Variants in OR52M1 observed in about 807,000 individuals in gnomAD.
The protein encoded by OR52M1 is olfactory receptor family 52 subfamily M member 1, also known as olfactory receptor 52M1.
A neutral mutation model predicts 1.3 loss-of-function variants in OR52M1; 2 were observed. The observed-to-expected ratio is 1.59, with a 90% confidence interval of 0.65 to 5.01. The LOEUF (loss-of-function observed/expected upper bound fraction) is 5.01, where lower values mean the gene tolerates loss of function less well. Among genes scored for constraint, OR52M1 ranks in the 30% most tolerant of loss-of-function variants. The pLI, the probability that OR52M1 is intolerant of heterozygous loss-of-function variation, is 0.06. For synonymous variants in OR52M1, 234 were observed against 151.4 expected (o/e 1.55, Z -4.01); for missense variants, 585 against 403.7 (o/e 1.45, Z -3.85).
rs1488127910 is a variant in OR52M1, at chr11:4,546,031, A to G, written c.841A>G (p.Asn281Asp). 1 of 1,614,068 alleles carries G rather than the reference A, an allele frequency of 6.2e-7. No individual in the cohort carries two copies. Among genetic ancestry groups the G allele is most frequent in the Admixed American group, 1.7e-5 (1 of 60,020 alleles). Reference protein sequence around the residue: ...VPPPVHTLLANFYLLIPPILN... With the variant: ...VPPPVHTLLADFYLLIPPILN... ...TCCTCCAGTCCACACTCTGCTGGCC[A>G]ACTTCTATCTCCTCATTCCTCCAAT... is the stretch of plus-strand genomic sequence containing the variant. The change falls in exon 1 of 1, where the codon AAC (asparagine) becomes GAC (aspartate). Residue 281 changes from asparagine (N) to aspartate (D), a missense_variant. By Grantham distance (23) the Asn-to-Asp change is conservative (BLOSUM62 1). Coordinates refer to ENST00000360213, the MANE Select transcript of OR52M1 (RefSeq NM_001004137.1).
rs772815367 is a variant in OR52M1, at chr11:4,545,534, G to T, written c.344G>T (p.Gly115Val). Residue 115 changes from glycine (G) to valine (V), a missense_variant, in exon 1 of 1, where the codon GGC becomes GTC. Gly to Val is a moderately radical substitution (Grantham distance 109). Transcript: ENST00000360213. ...LIHCFATVES[G>V]IFLAMAFDRY... ...CACTGCTTTGCCACTGTTGAGTCAG[G>T]CATCTTCCTTGCCATGGCTTTTGAT... The T allele has an allele frequency of 2.5e-6, 4 of 1,612,814 alleles. No individual in the cohort carries two copies. Among genetic ancestry groups the T allele is most frequent in the Admixed American group, 3.3e-5 (2 of 59,942 alleles).
In OR52M1 at chr11:4,546,132, G is replaced by A. The variant is rs765807772; in HGVS notation, c.942G>A (p.Met314Ile). The A allele has an allele frequency of 3.8e-5, 60 of 1,577,682 alleles. No homozygotes were observed. Among genetic ancestry groups the A allele is most frequent in the Non-Finnish European group, 4.9e-5 (56 of 1,153,726 alleles). The change falls in exon 1 of 1, where the codon ATG (methionine) becomes ATA (isoleucine). Residue 314 changes from methionine (M) to isoleucine (I), a missense_variant. Transcript: ENST00000360213. ...ESLLQIPRIE[M>I]KIR is the part of the protein sequence containing the mutation. ...TTCTCCAAATACCAAGGATAGAAAT[G>A]AAGATTAGATGATTACTATTTTCTT...
rs116233731 is a variant in OR52M1 at position 4,545,934 on chromosome 11, C to T, written c.744C>T (p.Leu248=). The change falls in exon 1 of 1, where the codon CTC becomes CTT. Residue 248 remains leucine (L), a synonymous_variant. Transcript: ENST00000360213. ...LKTLGTCASH[L]CAILIFYVPI... ...CCCTGGGGACATGCGCTTCTCACCT[C>T]TGTGCCATCCTGATCTTTTATGTTC... 854 of 1,614,090 alleles carry T rather than the reference C, an allele frequency of 5.3e-4. 12 individuals carry two copies. The African/African-American group carries it at 9.9e-3, about 19-fold the overall frequency.
chr11:4,545,663 T>C lies in OR52M1; in HGVS notation c.473T>C (p.Ile158Thr). The change falls in exon 1 of 1, where the codon ATT becomes ACT. Residue 158 changes from isoleucine to threonine, a missense_variant. Transcript: ENST00000360213. Reference sequence around the variant, plus strand: ...TCTCTCCTCCGGGGTGTTCTCTACATTGGACCTCTGCCTCTGATGATCCGC... The same window carrying C: ...TCTCTCCTCCGGGGTGTTCTCTACACTGGACCTCTGCCTCTGATGATCCGC... ...LVSLLRGVLY[I>T]GPLPLMIRLR... The C allele has an allele frequency of 1.2e-6, 2 of 1,613,340 alleles. No homozygotes were observed. Among genetic ancestry groups the C allele is most frequent in the Non-Finnish European group, 1.7e-6 (2 of 1,179,642 alleles).
chr11:4,545,398 G>A lies in OR52M1; in HGVS notation c.208G>A (p.Ala70Thr), dbSNP rs2133148361. Residue 70 changes from alanine (A) to threonine (T), a missense_variant, in exon 1 of 1, where the codon GCC becomes ACC. Coordinates refer to ENST00000360213, the MANE Select transcript of OR52M1 (RefSeq NM_001004137.1). ...GTACTTTTTCTTGTGCATGTTGGCT[G>A]CCATTGACCTGGTTCTGTCTACTTC... Reference protein sequence around the residue: ...PMYFFLCMLAAIDLVLSTSTI... With the variant: ...PMYFFLCMLATIDLVLSTSTI... 4 of 1,614,170 alleles carry A rather than the reference G, an allele frequency of 2.5e-6. No individual in the cohort carries two copies. Among genetic ancestry groups the A allele is most frequent in the Non-Finnish European group, 2.5e-6 (3 of 1,180,018 alleles).
In OR52M1 at chr11:4,545,956, G is replaced by A. The variant is rs577886791; in HGVS notation, c.766G>A (p.Val256Ile). 18 of 1,614,034 alleles carry A rather than the reference G, an allele frequency of 1.1e-5. No homozygotes were observed. Among genetic ancestry groups the A allele is most frequent in the South Asian group, 6.6e-5 (6 of 91,066 alleles). ...SHLCAILIFY[V>I]PIAVSSLIHR... is the part of the protein sequence containing the mutation. ...CCTCTGTGCCATCCTGATCTTTTAT[G>A]TTCCCATTGCTGTTTCTTCCCTGAT... The change falls in exon 1 of 1, where the codon GTT becomes ATT. Residue 256 changes from valine to isoleucine, a missense_variant. Physicochemically the swap from Val to Ile is conservative, Grantham distance 29. Transcript: ENST00000360213.
Position 4,546,046 on chromosome 11 carries a change from A to G in OR52M1, c.856A>G (p.Ile286Val), listed in dbSNP as rs768330742. The change falls in exon 1 of 1, where the codon ATT (isoleucine) becomes GTT (valine). Residue 286 changes from isoleucine (I) to valine (V), a missense_variant. Physicochemically the swap from Ile to Val is conservative, Grantham distance 29. Transcript: ENST00000360213. ...HTLLANFYLL[I>V]PPILNPIVYA... ...TCTGCTGGCCAACTTCTATCTCCTCATTCCTCCAATCCTCAATCCCATTGT... is the reference window on the plus strand; with the variant it reads ...TCTGCTGGCCAACTTCTATCTCCTCGTTCCTCCAATCCTCAATCCCATTGT... 2.5e-6 allele frequency: 4 copies of G among 1,613,874 alleles called. No individual in the cohort carries two copies. The highest frequency in any genetic ancestry group is 3.4e-6 in the Non-Finnish European group (4 of 1,179,978).
Position 4,545,949 on chromosome 11 carries a change from C to CT in OR52M1, c.763dup (p.Tyr255LeufsTer63), listed in dbSNP as rs1465533333. 1 of 1,614,070 alleles carries CT rather than the reference C, an allele frequency of 6.2e-7. No individual in the cohort carries two copies. Among genetic ancestry groups the CT allele is most frequent in the Non-Finnish European group, 8.5e-7 (1 of 1,179,998 alleles). The stretch of plus-strand genomic sequence containing the variant: ...CTTCTCACCTCTGTGCCATCCTGAT[C>CT]TTTTATGTTCCCATTGCTGTTTCTT... On this transcript the variant is annotated frameshift_variant, in exon 1 of 1. Coordinates refer to ENST00000360213, the MANE Select transcript of OR52M1 (RefSeq NM_001004137.1). LOFTEE classifies it high-confidence loss of function.
At position 4,545,655 on chromosome 11, in the gene OR52M1, T is replaced by A; in HGVS notation, c.465T>A (p.Val155=). The A allele has an allele frequency of 6.2e-7, 1 of 1,613,498 alleles. No individual in the cohort carries two copies. ...RLGLVSLLRG[V]LYIGPLPLMI... is the part of the protein sequence containing the mutation. ...GGCTTGTTTCTCTCCTCCGGGGTGT[T>A]CTCTACATTGGACCTCTGCCTCTGA... The change falls in exon 1 of 1, where the codon GTT becomes GTA. Residue 155 remains valine (V), a synonymous_variant. Transcript: ENST00000360213.
Position 4,545,736 on chromosome 11 carries a change from T to C in OR52M1, c.546T>C (p.Cys182=), listed in dbSNP as rs996111683. Residue 182 remains cysteine, a synonymous_variant, in exon 1 of 1, where the codon TGT becomes TGC. Coordinates refer to ENST00000360213, the MANE Select transcript of OR52M1 (RefSeq NM_001004137.1). The part of the protein sequence containing the change: ...YKTHVISHSY[C]EHMAVVALTC... ...CCCATGTTATCTCCCACTCCTACTG[T>C]GAGCACATGGCTGTAGTTGCCTTGA... The C allele has an allele frequency of 3.1e-6, 5 of 1,613,914 alleles. No individual in the cohort carries two copies. The highest frequency in any genetic ancestry group is 1.7e-5 in the Admixed American group (1 of 59,998).
Position 4,545,920 on chromosome 11 carries a change from T to C in OR52M1, c.730T>C (p.Cys244Arg), listed in dbSNP as rs140013278. Residue 244 changes from cysteine (C) to arginine (R), a missense_variant, in exon 1 of 1, where the codon TGC becomes CGC. Transcript: ENST00000360213. ...GGCTAGGCTTAAAACCCTGGGGACA[T>C]GCGCTTCTCACCTCTGTGCCATCCT... ...PEARLKTLGTCASHLCAILIF... is the reference protein window; with the variant it reads ...PEARLKTLGTRASHLCAILIF... The C allele has an allele frequency of 1.6e-4, 252 of 1,614,020 alleles. No homozygotes were observed. The Middle Eastern group carries it at 1.7e-3, about 11-fold the overall frequency.
Position 4,545,610 on chromosome 11 carries a change from T to TAC in OR52M1, c.422_423dup (p.Val142GlnfsTer23). On this transcript the variant is annotated frameshift_variant, in exon 1 of 1. Coordinates refer to ENST00000360213, the MANE Select transcript of OR52M1 (RefSeq NM_001004137.1). LOFTEE classifies it low-confidence loss of function (END_TRUNC). Reference sequence around the variant, plus strand: ...TACGTCATAGCATGGTGCTCACTTATACAGTGGTGGGTCGTTTGGGGCTTG... The same window carrying TAC: ...TACGTCATAGCATGGTGCTCACTTATACACAGTGGTGGGTCGTTTGGGGCTTG... The TAC allele has an allele frequency of 6.2e-7, 1 of 1,613,442 alleles. No homozygotes were observed.
chr11:4,545,270 T>A lies in OR52M1; in HGVS notation c.80T>A (p.Val27Asp). 3.7e-6 allele frequency: 6 copies of A among 1,614,088 alleles called. No homozygotes were observed. The highest frequency in any genetic ancestry group is 5.1e-6 in the Non-Finnish European group (6 of 1,179,946). Reference protein sequence around the residue: ...TGIPGLESLHVWLSIPFGSMY... With the variant: ...TGIPGLESLHDWLSIPFGSMY... Reference sequence around the variant, plus strand: ...ATCCCAGGGCTGGAGTCCCTACACGTCTGGCTCTCCATCCCCTTTGGCTCC... The same window carrying A: ...ATCCCAGGGCTGGAGTCCCTACACGACTGGCTCTCCATCCCCTTTGGCTCC... The change falls in exon 1 of 1, where the codon GTC becomes GAC. Residue 27 changes from valine to aspartate, a missense_variant. Val to Asp is a radical substitution (Grantham distance 152). Coordinates refer to ENST00000360213, the MANE Select transcript of OR52M1 (RefSeq NM_001004137.1).
Position 4,545,523 on chromosome 11 carries a change from T to C in OR52M1, c.333T>C (p.Thr111=). The C allele has an allele frequency of 6.2e-7, 1 of 1,613,498 alleles. No homozygotes were observed. Among genetic ancestry groups the C allele is most frequent in the Non-Finnish European group, 8.5e-7 (1 of 1,179,686 alleles). The change falls in exon 1 of 1, where the codon ACT becomes ACC. Residue 111 remains threonine, a synonymous_variant. Transcript: ENST00000360213. ...GQMFLIHCFA[T]VESGIFLAMA... ...TGTTCCTTATCCACTGCTTTGCCACTGTTGAGTCAGGCATCTTCCTTGCCA... is the reference window on the plus strand; with the variant it reads ...TGTTCCTTATCCACTGCTTTGCCACCGTTGAGTCAGGCATCTTCCTTGCCA...
Position 4,545,900 on chromosome 11 carries a change from G to A in OR52M1, c.710G>A (p.Arg237Lys), listed in dbSNP as rs144526139. 6.8e-4 allele frequency: 1,104 copies of A among 1,614,102 alleles called. 1 individual carries two copies. Among genetic ancestry groups the A allele is most frequent in the Non-Finnish European group, 7.3e-4 (867 of 1,180,012 alleles). Residue 237 changes from arginine (R) to lysine (K), a missense_variant, in exon 1 of 1, where the codon AGG (arginine) becomes AAG (lysine). Transcript: ENST00000360213. ...ATGGGGTTAGCCACTCCTGAGGCTA[G>A]GCTTAAAACCCTGGGGACATGCGCT... Reference protein sequence around the residue: ...AVMGLATPEARLKTLGTCASH... With the variant: ...AVMGLATPEAKLKTLGTCASH...
chr11:4,545,217 A>C lies in OR52M1; in HGVS notation c.27A>C (p.Ser9=). 1 of 1,608,174 alleles carries C rather than the reference A, an allele frequency of 6.2e-7. No individual in the cohort carries two copies. Among genetic ancestry groups the C allele is most frequent in the South Asian group, 1.1e-5 (1 of 90,148 alleles). MLTFHNVC[S]VPSSFWLTGI... ...TGCTCACTTTTCATAATGTCTGCTC[A>C]GTACCCAGCTCCTTCTGGCTCACTG... Residue 9 remains serine (S), a synonymous_variant, in exon 1 of 1, where the codon TCA becomes TCC. Coordinates refer to ENST00000360213, the MANE Select transcript of OR52M1 (RefSeq NM_001004137.1).
chr11:4,545,457 C>A lies in OR52M1; in HGVS notation c.267C>A (p.Phe89Leu). 1 of 1,614,190 alleles carries A rather than the reference C, an allele frequency of 6.2e-7. No homozygotes were observed. Among genetic ancestry groups the A allele is most frequent in the East Asian group, 2.2e-5 (1 of 44,890 alleles). ...TIPKLLGIFW[F>L]GACDIGLDAC... The stretch of plus-strand genomic sequence containing the variant: ...CCAAACTTCTGGGAATCTTCTGGTT[C>A]GGTGCTTGTGACATTGGCCTGGACG... Residue 89 changes from phenylalanine to leucine, a missense_variant, in exon 1 of 1, where the codon TTC becomes TTA. By Grantham distance (22) the Phe-to-Leu change is conservative. Coordinates refer to ENST00000360213, the MANE Select transcript of OR52M1 (RefSeq NM_001004137.1).
chr11:4,545,252 G>A lies in OR52M1; in HGVS notation c.62G>A (p.Gly21Glu). The A allele has an allele frequency of 6.2e-7, 1 of 1,613,428 alleles. No individual in the cohort carries two copies. Among genetic ancestry groups the A allele is most frequent in the Non-Finnish European group, 8.5e-7 (1 of 1,179,758 alleles). ...PSSFWLTGIP[G>E]LESLHVWLSI... ...TCCTTCTGGCTCACTGGCATCCCAG[G>A]GCTGGAGTCCCTACACGTCTGGCTC... is the stretch of plus-strand genomic sequence containing the variant. Residue 21 changes from glycine (G) to glutamate (E), a missense_variant, in exon 1 of 1, where the codon GGG becomes GAG. Physicochemically the swap from Gly to Glu is moderately conservative, Grantham distance 98. Transcript: ENST00000360213.
At position 4,545,369 on chromosome 11, in the gene OR52M1, C is replaced by G; in HGVS notation, c.179C>G (p.Pro60Arg). The change falls in exon 1 of 1, where the codon CCC (proline) becomes CGC (arginine). Residue 60 changes from proline (P) to arginine (R), a missense_variant. Physicochemically the swap from Pro to Arg is moderately radical, Grantham distance 103 (BLOSUM62 -2). Coordinates refer to ENST00000360213, the MANE Select transcript of OR52M1 (RefSeq NM_001004137.1). ...VVKIERSLHQ[P>R]MYFFLCMLAA... ...AAGATAGAACGCAGCCTGCACCAGCCCATGTACTTTTTCTTGTGCATGTTG... is the reference window on the plus strand; with the variant it reads ...AAGATAGAACGCAGCCTGCACCAGCGCATGTACTTTTTCTTGTGCATGTTG... 6.2e-7 allele frequency: 1 copy of G among 1,614,078 alleles called. No individual in the cohort carries two copies. The highest frequency in any genetic ancestry group is 2.2e-5 in the East Asian group (1 of 44,868).
Sources: gnomAD v4.1 joint callset for allele counts on GRCh38, gnomAD v4.1.1 for gene constraint, MANE v1.5 for transcripts, NCBI Gene and HGNC (gene_info 2026-07-23, HGNC 2026-07-21) for gene names.